CPNE4: variants seen among roughly 807,000 people sequenced by gnomAD.
CPNE4 encodes copine 4, also known as copine-4.
CPNE4 carries 25 observed loss-of-function variants against 67.9 expected under a neutral mutation model. That is an observed-to-expected ratio of 0.37 (90% CI 0.27 to 0.51). CPNE4 has a LOEUF of 0.51. CPNE4 is among the 20% of genes least tolerant of loss of function. CPNE4 has a pLI of 0.93. For synonymous variants in CPNE4, 242 were observed against 244.9 expected, an observed-to-expected ratio of 0.99 and a Z score of 0.11; for missense variants, 464 against 690.8, an observed-to-expected ratio of 0.67 and a Z score of 3.68.
intron 1 of CPNE4, among the ~76,000 whole-genome samples, chr3:131,945,268 C>G (rs2071518783): frequency 6.6e-6 from 1 of 152,178 alleles, no homozygotes; most frequent in Admixed American, 6.5e-5. Context: ...AAATGCAGTT[C>G]AGAGAGATGA....
chr3:131,971,070 G>C (rs1583535586), intron 1 of CPNE4, among the ~76,000 whole-genome samples: 1 of 152,304 alleles, frequency 6.6e-6, no homozygotes, highest in African/African-American at 2.4e-5. Context: ...GTGTTCATCT[G>C]GCAGCTAGAA....
At chr3:131,739,135 C>A (rs566480201) in intron 2 of CPNE4, among the ~76,000 whole-genome samples, 13 of 152,300 alleles carry the variant, frequency 8.5e-5, no homozygotes, top group South Asian at 2.1e-4. Flanking sequence ...AGGGATCAGT[C>A]CTCTCAAGGC....
intron 7 of CPNE4, among the ~76,000 whole-genome samples, chr3:131,664,731 T>C (rs1407723990): frequency 2.0e-5 from 3 of 152,148 alleles, no homozygotes; most frequent in Non-Finnish European, 4.4e-5. Context: ...AAAATGAAGA[T>C]AATGGAACCT....
At chr3:131,865,544 A>C (rs2086905536) in intron 2 of CPNE4, among the ~76,000 whole-genome samples, 4 of 152,056 alleles carry the variant, frequency 2.6e-5, no homozygotes, top group Admixed American at 6.6e-5. Flanking sequence ...CACCCCTATA[A>C]GGGAGCCATC....
At chr3:131,850,133 T>C (rs2086178352) in intron 2 of CPNE4, among the ~76,000 whole-genome samples, 1 of 152,166 alleles carries the variant, frequency 6.6e-6, no homozygotes, top group Non-Finnish European at 1.5e-5. Context: ...TTTCTCTGAA[T>C]TTTAAAACAT....
intron 2 of CPNE4, among the ~76,000 whole-genome samples, chr3:131,850,791 G>A (rs757393970): frequency 8.6e-5 from 13 of 151,950 alleles, no homozygotes; most frequent in South Asian, 2.1e-4. Context: ...ATAATCCTAC[G>A]AGATTTTATC....
chr3:132,037,706 G>A, upstream of CPNE4: 1 of 1,045,666 alleles, frequency 9.6e-7, no homozygotes, highest in Admixed American at 2.0e-5. Flanking sequence ...TCACTCGCCG[G>A]GTTTCTGTTT....
In CPNE4 at chr3:131,669,687, G is replaced by A. The variant is rs767721047; in HGVS notation, c.669C>T (p.Asp223=). The A allele has an allele frequency of 1.2e-5, 20 of 1,612,018 alleles. No homozygotes were observed. Among genetic ancestry groups the A allele is most frequent in the Admixed American group, 1.7e-5 (1 of 59,790 alleles). ...ACAGATTTCTGACCTTTAGCCGGCG[G>A]TCTGGGTCTCCGCTGCATAGAGAAT... ...SVNSLCSGDP[D]RRLKCIVWDW... Residue 223 remains aspartate (D), a synonymous_variant, in exon 7 of 16, where the codon GAC becomes GAT. Transcript: ENST00000429747.
At chr3:131,818,170 C>G (rs1420894381) in intron 2 of CPNE4, among the ~76,000 whole-genome samples, 1 of 152,044 alleles carries the variant, frequency 6.6e-6, no homozygotes, top group Non-Finnish European at 1.5e-5. Context: ...TGGGAAAACA[C>G]AAAACTGCTT....
chr3:131,836,776 A>G (rs2085572166), intron 2 of CPNE4, among the ~76,000 whole-genome samples: 1 of 152,202 alleles, frequency 6.6e-6, no homozygotes, highest in Non-Finnish European at 1.5e-5. Context: ...TGTTATGAGA[A>G]TGAAAACTCA....
intron 2 of CPNE4, among the ~76,000 whole-genome samples, chr3:131,884,140 T>C (rs932912873): frequency 4.6e-5 from 7 of 152,244 alleles, no homozygotes; most frequent in African/African-American, 1.7e-4. Flanking sequence ...CCATGTATTG[T>C]TCCCTTCTGT....
chr3:131,772,885 T>G (rs1475759566), intron 2 of CPNE4, among the ~76,000 whole-genome samples: 3 of 152,140 alleles, frequency 2.0e-5, no homozygotes, highest in African/African-American at 2.4e-5. Context: ...GCTTGCTGCC[T>G]GTATACAGCA....
At chr3:131,933,638 C>A (rs2071134336) in intron 1 of CPNE4, among the ~76,000 whole-genome samples, 4 of 151,968 alleles carry the variant, frequency 2.6e-5, no homozygotes, top group Admixed American at 2.6e-4. Context: ...GCTAGGTGTT[C>A]ATCAATGGAT....
chr3:132,009,307 T>C (rs879269447), intron 1 of CPNE4, among the ~76,000 whole-genome samples: 4 of 152,170 alleles, frequency 2.6e-5, no homozygotes, highest in South Asian at 2.1e-4. Flanking sequence ...CCTCTGCTCC[T>C]GGGGGAGGGG....
At chr3:131,908,619 T>A (rs1194967725) in intron 1 of CPNE4, among the ~76,000 whole-genome samples, 1 of 148,590 alleles carries the variant, frequency 6.7e-6, no homozygotes, top group East Asian at 2.0e-4. Context: ...AGTCCATCTC[T>A]TCCAAATCCA....
At chr3:131,873,362 T>C (rs1342042171) in intron 2 of CPNE4, among the ~76,000 whole-genome samples, 1 of 152,200 alleles carries the variant, frequency 6.6e-6, no homozygotes, top group Non-Finnish European at 1.5e-5. Flanking sequence ...ATGGTGGGGA[T>C]GGAAATTATT....
chr3:132,027,507 C>T (rs1175199787), intron 1 of CPNE4, among the ~76,000 whole-genome samples: 1 of 84,946 alleles, frequency 1.2e-5, no homozygotes, highest in South Asian at 4.7e-4. Context: ...TTCCTCTTAT[C>T]GTGCCTTTTC....
Position 131,827,053 on chromosome 3 carries a change from C to CA in CPNE4, c.180+78210dup, listed in dbSNP as rs527238695. On this transcript the variant is annotated intron_variant, in intron 2 of 15. Transcript: ENST00000429747. ...ACCTGACTCTAAAAACAAAACAAAA[C>CA]AAAAAAAAACAAAACAAAACAACTT... Among the ~76,000 whole-genome samples, 224 of 149,122 alleles carry CA rather than the reference C, an allele frequency of 1.5e-3. 2 individuals carry two copies. Among genetic ancestry groups the CA allele is most frequent in the Middle Eastern group, 3.5e-3 (1 of 288 alleles).
chr3:131,949,553 T>C (rs1237068965), intron 1 of CPNE4, among the ~76,000 whole-genome samples: 1 of 152,210 alleles, frequency 6.6e-6, no homozygotes, highest in Non-Finnish European at 1.5e-5. Context: ...ATTCATTTAG[T>C]AAACATTTAT....
Sources: gnomAD v4.1 joint callset for allele counts (sites outside exome capture counted in the v4.1 genomes callset) on GRCh38, gnomAD v4.1.1 for gene constraint, MANE v1.5 for transcripts, NCBI Gene and HGNC (gene_info 2026-07-23, HGNC 2026-07-21) for gene names.